Variants in CALN1 observed in about 807,000 individuals in gnomAD.
CALN1 encodes the protein calneuron 1.
CALN1 carries 17 observed loss-of-function variants against 30.6 expected under a neutral mutation model. That is an observed-to-expected ratio of 0.56 (90% confidence interval 0.38 to 0.83). CALN1 has a LOEUF of 0.83. CALN1 is among the 40% of genes least tolerant of loss of function. The pLI, the probability that CALN1 is intolerant of heterozygous loss-of-function variation, is 0.00. For missense variants in CALN1, 291 were observed against 354.9 expected (o/e 0.82, Z 1.45); for synonymous variants, 156 against 131.4 (o/e 1.19, Z -1.28).
At chr7:72,164,452 T>C (rs1788371812) in intron 3 of CALN1, among the ~76,000 whole-genome samples, 2 of 151,498 alleles carry the variant, frequency 1.3e-5, no homozygotes, top group African/African-American at 4.9e-5. Flanking sequence ...TATATGCCAA[T>C]GAATGGCAAA....
chr7:72,328,943 C>T (rs1801471622), intron 2 of CALN1, among the ~76,000 whole-genome samples: 1 of 152,226 alleles, frequency 6.6e-6, no homozygotes, highest in Non-Finnish European at 1.5e-5. Flanking sequence ...CTGATCCAAC[C>T]ATCTCGGCCT....
At chr7:71,956,258 G>T (rs1796956822) in intron 5 of CALN1, among the ~76,000 whole-genome samples, 1 of 151,988 alleles carries the variant, frequency 6.6e-6, no homozygotes, top group Non-Finnish European at 1.5e-5. Context: ...AAAGTGCTGG[G>T]ATTATAGGCA....
chr7:72,336,653 GAA>G, intron 2 of CALN1: 1 of 978,726 alleles, frequency 1.0e-6, no homozygotes, highest in Non-Finnish European at 1.2e-6. Context: ...GAGGGAAGAA[GAA>G]AAGAGAGCGC....
At chr7:71,807,595 ATTACAAAATAACAGCTTTT>A (rs1343908426) in intron 6 of CALN1, among the ~76,000 whole-genome samples, 3 of 152,222 alleles carry the variant, frequency 2.0e-5, no homozygotes, top group Non-Finnish European at 4.4e-5. Flanking sequence ...CAACGTGCAA[ATTACAAAATAACAGCTTTT>A]TTAAATGAAA....
intron 2 of CALN1, among the ~76,000 whole-genome samples, chr7:72,386,939 A>T (rs1415626455): frequency 1.3e-5 from 2 of 151,890 alleles, no homozygotes; most frequent in African/African-American, 2.4e-5. Flanking sequence ...ATATATACAT[A>T]TATTTCATTA....
At chr7:71,790,393 AAAGAAAGAAAG>A (rs1562780219) in intron 6 of CALN1, among the ~76,000 whole-genome samples, 3 of 108,724 alleles carry the variant, frequency 2.8e-5, no homozygotes, top group South Asian at 3.0e-4. Flanking sequence ...AGAAAGAAAG[AAAGAAAGAAAG>A]AAAGAAAGAA....
intron 1 of CALN1, among the ~76,000 whole-genome samples, chr7:72,446,303 A>G (rs571243066): frequency 6.6e-6 from 1 of 152,344 alleles, no homozygotes. Context: ...TACACAATGC[A>G]ATGTACAAAG....
intron 3 of CALN1, among the ~76,000 whole-genome samples, chr7:72,278,286 A>T (rs1309413421): frequency 6.6e-6 from 1 of 152,182 alleles, no homozygotes; most frequent in African/African-American, 2.4e-5. Context: ...AGCCATTAAC[A>T]GGGCTTAAAC....
At position 72,403,191 on chromosome 7, in the gene CALN1, C is replaced by A. The variant is rs1806456098; in HGVS notation, c.119+60G>T. 3 of 1,372,800 alleles carry A rather than the reference C, an allele frequency of 2.2e-6. No homozygotes were observed. In the African/African-American group the frequency reaches 4.3e-5, roughly 20 times the overall value. 85.0% of individuals were successfully genotyped at this position (1,372,800 alleles called of 1,614,324 possible). On this transcript the variant is annotated intron_variant, in intron 2 of 6. Transcript: ENST00000395275. Reference sequence around the variant, plus strand: ...GCAAAGCCTCCTGGACCCCGCGCCACCCCCTACCTGAGGGCTGCCAAACAA... The same window carrying A: ...GCAAAGCCTCCTGGACCCCGCGCCAACCCCTACCTGAGGGCTGCCAAACAA...
intron 5 of CALN1, among the ~76,000 whole-genome samples, chr7:71,905,451 A>G (rs889397684): frequency 2.0e-5 from 3 of 151,392 alleles, no homozygotes; most frequent in African/African-American, 7.3e-5. Flanking sequence ...ATATCACTCA[A>G]CTCAGGATTA....
At chr7:71,821,988 T>C (rs530738869) in intron 5 of CALN1, among the ~76,000 whole-genome samples, 167 of 151,936 alleles carry the variant, frequency 1.1e-3, no homozygotes, top group African/African-American at 3.8e-3. Flanking sequence ...AGGCTGGTCT[T>C]GAACTCCTGA....
intron 3 of CALN1, among the ~76,000 whole-genome samples, chr7:72,227,861 G>A (rs1371477883): frequency 6.7e-6 from 1 of 149,648 alleles, no homozygotes; most frequent in Non-Finnish European, 1.5e-5. Context: ...CAGAAACCCA[G>A]GAGAGCGTTC....
At chr7:72,013,247 ATT>A (rs1025112311) in intron 5 of CALN1, among the ~76,000 whole-genome samples, 93 of 92,938 alleles carry the variant, frequency 1.0e-3, no homozygotes, top group African/African-American at 1.6e-3. Flanking sequence ...CTAATTTGAG[ATT>A]TTTTTTTTTT....
At chr7:71,868,619 G>A (rs993126559) in intron 5 of CALN1, among the ~76,000 whole-genome samples, 1 of 151,942 alleles carries the variant, frequency 6.6e-6, no homozygotes, top group South Asian at 2.1e-4. Flanking sequence ...TTATCCATCT[G>A]CCTCAGCCTC....
chr7:72,359,875 G>T (rs1803459631), intron 2 of CALN1, among the ~76,000 whole-genome samples: 1 of 150,146 alleles, frequency 6.7e-6, no homozygotes, highest in African/African-American at 2.4e-5. Context: ...TACTCAGGAG[G>T]CTGAGGCAGG....
intron 1 of CALN1, among the ~76,000 whole-genome samples, chr7:72,434,659 G>A (rs1484362890): frequency 6.6e-6 from 1 of 152,144 alleles, no homozygotes; most frequent in Non-Finnish European, 1.5e-5. Context: ...AGGGGGAGAG[G>A]CAGCAAGGTA....
chr7:71,812,437 T>A (rs1341800841), intron 5 of CALN1, among the ~76,000 whole-genome samples: 1 of 152,078 alleles, frequency 6.6e-6, no homozygotes, highest in Non-Finnish European at 1.5e-5. Flanking sequence ...TAGCAAAACA[T>A]TTGGTAAAAC....
rs1326958068 is a variant in CALN1 at position 71,835,838 on chromosome 7, T to C, written c.502-25346A>G. Among the ~76,000 whole-genome samples, 7 of 152,200 alleles carry C rather than the reference T, an allele frequency of 4.6e-5. No homozygotes were observed. The South Asian group carries it at 1.2e-3, about 27-fold the overall frequency. ...ATGGGGTAGACCAAGGACCTTTCCT[T>C]GTGAAGCTCTTTTGTCCTCGTGAAT... is the stretch of plus-strand genomic sequence containing the variant. On this transcript the variant is annotated intron_variant, in intron 5 of 6. Coordinates refer to ENST00000395275, the MANE Select transcript of CALN1 (RefSeq NM_031468.4).
intron 2 of CALN1, among the ~76,000 whole-genome samples, chr7:72,363,911 T>C (rs1803717986): frequency 6.6e-6 from 1 of 151,644 alleles, no homozygotes; most frequent in African/African-American, 2.4e-5. Context: ...ATTTTTGTAT[T>C]TTCAGTAGAG....
Sources: gnomAD v4.1 joint callset for allele counts (sites outside exome capture counted in the v4.1 genomes callset) on GRCh38, gnomAD v4.1.1 for gene constraint, MANE v1.5 for transcripts, NCBI Gene and HGNC (gene_info 2026-07-23, HGNC 2026-07-21) for gene names.